The following CORIN variants were observed in gnomAD, a reference collection of about 807,000 sequenced individuals.
CORIN encodes corin, serine peptidase.
A neutral mutation model predicts 125.3 loss-of-function variants in CORIN; 117 were observed. The ratio of observed to expected loss-of-function variants is 0.93; its 90% CI spans 0.80 to 1.09. The LOEUF (loss-of-function observed/expected upper bound fraction) is 1.09. Among genes scored for constraint, CORIN ranks in the 50% least tolerant of loss-of-function variants. CORIN has a pLI of 0.00. For synonymous variants in CORIN, 450 were observed against 466.4 expected (o/e 0.96, Z 0.45); for missense variants, 1,253 against 1,306.7 (o/e 0.96, Z 0.63).
At chr4:47,755,971 T>C (rs1055332656) in intron 4 of CORIN, among the ~76,000 whole-genome samples, 3 of 152,238 alleles carry the variant, frequency 2.0e-5, no homozygotes, top group African/African-American at 7.2e-5. Flanking sequence ...CTGCTATGTG[T>C]TGGGCAGTGT....
At chr4:47,662,439 G>C (rs950312730) in intron 11 of CORIN, among the ~76,000 whole-genome samples, 2 of 152,028 alleles carry the variant, frequency 1.3e-5, no homozygotes, top group African/African-American at 4.8e-5. Context: ...TTTGGTTTTT[G>C]TTTTAAAGAA....
chr4:47,687,648 GTC>G (rs1725576610), intron 6 of CORIN, among the ~76,000 whole-genome samples: 1 of 152,194 alleles, frequency 6.6e-6, no homozygotes, highest in Non-Finnish European at 1.5e-5. Context: ...CAACTGTACA[GTC>G]TCTATGACTA....
intron 14 of CORIN, among the ~76,000 whole-genome samples, chr4:47,644,037 A>G (rs2109618116): frequency 6.6e-6 from 1 of 152,358 alleles, no homozygotes; most frequent in South Asian, 2.1e-4. Flanking sequence ...AGCCTGGGAC[A>G]GGAACAACCT....
chr4:47,677,157 G>C (rs1395650940), intron 9 of CORIN, among the ~76,000 whole-genome samples: 2 of 152,156 alleles, frequency 1.3e-5, no homozygotes, highest in African/African-American at 4.8e-5. Flanking sequence ...TTTGCCATAT[G>C]CCAACACTAT....
chr4:47,763,347 CTT>C lies in CORIN; in HGVS notation c.617+30_617+31del, dbSNP rs779529507. On this transcript the variant is annotated intron_variant, in intron 4 of 21. Coordinates refer to ENST00000273857, the MANE Select transcript of CORIN (RefSeq NM_006587.4). ...TAGGACACTTCTGCTATAACCAACT[CTT>C]ATCACTGAATAATCTGGGTTCCGAA... is the stretch of plus-strand genomic sequence containing the variant. 4.5e-6 allele frequency: 7 copies of C among 1,568,338 alleles called. No individual in the cohort carries two copies. The Admixed American group carries it at 1.2e-4, about 27-fold the overall frequency.
At chr4:47,669,511 A>G (rs1409082080) in intron 10 of CORIN, among the ~76,000 whole-genome samples, 1 of 151,552 alleles carries the variant, frequency 6.6e-6, no homozygotes, top group African/African-American at 2.4e-5. Flanking sequence ...GAAACCTTCC[A>G]TATATCTTGT....
intron 5 of CORIN, among the ~76,000 whole-genome samples, chr4:47,713,676 C>T (rs985547313): frequency 2.0e-5 from 3 of 152,070 alleles, no homozygotes; most frequent in South Asian, 4.2e-4. Context: ...ACAGCAGTCC[C>T]GATCTCTACC....
At chr4:47,721,489 G>A (rs972099385) in intron 5 of CORIN, among the ~76,000 whole-genome samples, 8 of 152,080 alleles carry the variant, frequency 5.3e-5, no homozygotes, top group Admixed American at 5.2e-4. Context: ...GGCTGGTCTC[G>A]AACTCCTGAC....
intron 19 of CORIN, 101 bp downstream of exon 19, chr4:47,623,470 C>T (rs921985295): frequency 8.7e-6 from 11 of 1,262,806 alleles, no homozygotes; most frequent in Middle Eastern, 3.9e-4. Context: ...CTGTGGCTTT[C>T]GCCTGGATGT....
At chr4:47,719,254 C>T (rs549674443) in intron 5 of CORIN, among the ~76,000 whole-genome samples, 3 of 152,284 alleles carry the variant, frequency 2.0e-5, no homozygotes, top group African/African-American at 7.2e-5. Flanking sequence ...CTACCTTTTG[C>T]TCTTCCCAGT....
intron 19 of CORIN, among the ~76,000 whole-genome samples, chr4:47,617,640 T>C (rs1722115872): frequency 6.6e-6 from 1 of 152,186 alleles, no homozygotes; most frequent in Non-Finnish European, 1.5e-5. Context: ...GGAGCTAAAA[T>C]GGAAAATTTT....
chr4:47,802,732 C>T (rs2109944652), intron 2 of CORIN, among the ~76,000 whole-genome samples: 1 of 152,340 alleles, frequency 6.6e-6, no homozygotes, highest in Admixed American at 6.5e-5. Flanking sequence ...GCTTTGCCAC[C>T]TGCTGATTGT....
At chr4:47,668,541 C>A (rs1346090546) in intron 10 of CORIN, among the ~76,000 whole-genome samples, 1 of 152,200 alleles carries the variant, frequency 6.6e-6, no homozygotes, top group Non-Finnish European at 1.5e-5. Context: ...TTCCTGATAT[C>A]TTTAATATAC....
intron 5 of CORIN, among the ~76,000 whole-genome samples, chr4:47,699,552 C>T (rs1254795839): frequency 6.6e-6 from 1 of 152,172 alleles, no homozygotes; most frequent in Admixed American, 6.5e-5. Flanking sequence ...TTTCTTACTG[C>T]TATACCCTGA....
Position 47,661,721 on chromosome 4 carries a change from T to C in CORIN, c.1725A>G (p.Glu575=). 6.2e-7 allele frequency: 1 copy of C among 1,611,304 alleles called. No homozygotes were observed. Among genetic ancestry groups the C allele is most frequent in the Non-Finnish European group, 8.5e-7 (1 of 1,178,120 alleles). The part of the protein sequence containing the change: ...SDNQTCLMPD[E]YVEECSPSHF... ...AATTTTAAAATTAACCTTCCACATA[T>C]TCATCAGGCATCAGGCAGGTTTGAT... is the stretch of plus-strand genomic sequence containing the variant. Residue 575 remains glutamate, a synonymous_variant, in exon 12 of 22, where the codon GAA becomes GAG. Transcript: ENST00000273857.
intron 5 of CORIN, among the ~76,000 whole-genome samples, chr4:47,719,560 G>T (rs545547866): frequency 8.5e-5 from 13 of 152,096 alleles, no homozygotes; most frequent in Admixed American, 4.6e-4. Context: ...ATGCAGTTTT[G>T]TTTTCTATCA....
At chr4:47,724,463 GA>G (rs1259730840) in intron 5 of CORIN, among the ~76,000 whole-genome samples, 6 of 151,988 alleles carry the variant, frequency 3.9e-5, no homozygotes, top group Non-Finnish European at 7.4e-5. Context: ...TTGTACAGAA[GA>G]AAAGTTTGAA....
Position 47,786,884 on chromosome 4 carries a change from G to T in CORIN, c.250C>A (p.Pro84Thr). ...TGGATTTCACCATCAGTGACCAAAG[G>T]TTCACTCCCATTTGATTTAAAATAG... ...KVYFKSNGSEPLVTDGEIQGS... is the reference protein window; with the variant it reads ...KVYFKSNGSETLVTDGEIQGS... Residue 84 changes from proline (P) to threonine (T), a missense_variant, in exon 3 of 22, where the codon CCT (proline) becomes ACT (threonine). Coordinates refer to ENST00000273857, the MANE Select transcript of CORIN (RefSeq NM_006587.4). 6.2e-7 allele frequency: 1 copy of T among 1,613,640 alleles called. No homozygotes were observed.
chr4:47,702,244 A>T (rs1726331023), intron 5 of CORIN, among the ~76,000 whole-genome samples: 1 of 152,248 alleles, frequency 6.6e-6, no homozygotes, highest in African/African-American at 2.4e-5. Flanking sequence ...GGAACAACAT[A>T]TAAACTACTT....
Sources: allele counts gnomAD v4.1 joint callset (sites outside exome capture counted in the v4.1 genomes callset), GRCh38; gene constraint gnomAD v4.1.1; transcripts MANE v1.5; gene names NCBI Gene and HGNC (gene_info 2026-07-23, HGNC 2026-07-21).